The following FCHSD2 variants were observed in gnomAD, a reference collection of about 807,000 sequenced individuals.
FCHSD2 encodes FCH and double SH3 domains 2, also known as F-BAR and double SH3 domains protein 2.
Under a neutral mutation model 108.1 loss-of-function variants are expected in FCHSD2, and 38 were observed. That is an observed-to-expected ratio of 0.35 (90% CI 0.27 to 0.46). The LOEUF (loss-of-function observed/expected upper bound fraction) is 0.46. Ranked by LOEUF, FCHSD2 falls within the 20% of genes least tolerant of loss-of-function variation. The pLI is 1.00. For synonymous variants in FCHSD2, 279 were observed against 314.7 expected, an observed-to-expected ratio of 0.89 and a Z score of 1.20; for missense variants, 751 against 897.8, an observed-to-expected ratio of 0.84 and a Z score of 2.09.
intron 8 of FCHSD2, among the ~76,000 whole-genome samples, chr11:72,950,206 G>C (rs1856596552): frequency 2.6e-5 from 4 of 152,016 alleles, no homozygotes; most frequent in Admixed American, 1.3e-4. Context: ...TGTTTTTATT[G>C]AATTGTAAAG....
At chr11:72,894,062 C>A (rs1855371832) in intron 10 of FCHSD2, among the ~76,000 whole-genome samples, 1 of 152,082 alleles carries the variant, frequency 6.6e-6, no homozygotes, top group Non-Finnish European at 1.5e-5. Context: ...TAAAATATAA[C>A]CATTTCAAGG....
At chr11:73,019,691 T>G (rs781475725) in intron 3 of FCHSD2, among the ~76,000 whole-genome samples, 11 of 152,192 alleles carry the variant, frequency 7.2e-5, no homozygotes, top group Non-Finnish European at 1.3e-4. Context: ...GTTCAAGATC[T>G]AATCTGCATG....
intron 8 of FCHSD2, among the ~76,000 whole-genome samples, chr11:72,958,635 G>C (rs2135368546): frequency 6.6e-6 from 1 of 152,286 alleles, no homozygotes; most frequent in South Asian, 2.1e-4. Context: ...TGATCCATCA[G>C]TTTCGACCTC....
chr11:72,989,198 C>T (rs1857365212), intron 5 of FCHSD2, 101 bp from the exon 6 acceptor site: 2 of 888,918 alleles, frequency 2.2e-6, no homozygotes, highest in Non-Finnish European at 3.3e-6. Flanking sequence ...GGATGGAAAT[C>T]CAGGGGAAAA....
At chr11:73,137,231 G>A (rs183603895) in intron 2 of FCHSD2, among the ~76,000 whole-genome samples, 6 of 151,606 alleles carry the variant, frequency 4.0e-5, no homozygotes, top group Admixed American at 2.6e-4. Flanking sequence ...CTAAACTCTT[G>A]TTTTAGTAGG....
At chr11:73,043,701 A>G (rs1858693555) in intron 3 of FCHSD2, among the ~76,000 whole-genome samples, 1 of 152,212 alleles carries the variant, frequency 6.6e-6, no homozygotes, top group South Asian at 2.1e-4. Flanking sequence ...AGATGTGACT[A>G]TGTGACTGAG....
intron 12 of FCHSD2, among the ~76,000 whole-genome samples, chr11:72,878,556 C>G (rs1418068999): frequency 6.6e-6 from 1 of 152,032 alleles, no homozygotes; most frequent in Non-Finnish European, 1.5e-5. Context: ...GCTTGTTTTA[C>G]TAGGAAGAAA....
chr11:73,017,343 G>C (rs1857996615), intron 3 of FCHSD2, among the ~76,000 whole-genome samples: 1 of 152,090 alleles, frequency 6.6e-6, no homozygotes, highest in South Asian at 2.1e-4. Flanking sequence ...CTAATGTAAT[G>C]GTTATAGAAA....
chr11:73,005,845 T>C (rs897022097), intron 4 of FCHSD2, among the ~76,000 whole-genome samples: 2 of 151,922 alleles, frequency 1.3e-5, no homozygotes, highest in Non-Finnish European at 2.9e-5. Flanking sequence ...ACAGATGGTT[T>C]TAAAGCCATC....
chr11:73,107,341 C>G (rs1860369591), intron 2 of FCHSD2, among the ~76,000 whole-genome samples: 1 of 152,158 alleles, frequency 6.6e-6, no homozygotes, highest in Non-Finnish European at 1.5e-5. Flanking sequence ...AGCTACCACA[C>G]CTGGCCATTT....
intron 10 of FCHSD2, among the ~76,000 whole-genome samples, chr11:72,901,026 C>CT (rs1195478183): frequency 6.6e-6 from 1 of 151,764 alleles, no homozygotes; most frequent in Non-Finnish European, 1.5e-5. Flanking sequence ...CATTTTTGTT[C>CT]TTTTTTAAAA....
chr11:73,117,967 T>C (rs1353902338), intron 2 of FCHSD2, among the ~76,000 whole-genome samples: 1 of 152,208 alleles, frequency 6.6e-6, no homozygotes, highest in Non-Finnish European at 1.5e-5. Flanking sequence ...ATATTATATA[T>C]ACATTTTCTG....
At chr11:73,111,432 C>A (rs1207658112) in intron 2 of FCHSD2, among the ~76,000 whole-genome samples, 1 of 149,372 alleles carries the variant, frequency 6.7e-6, no homozygotes, top group Non-Finnish European at 1.5e-5. Context: ...TCTTTTTTGG[C>A]TTCCATTAGC....
chr11:72,980,750 A>G (rs1857200958), intron 8 of FCHSD2, among the ~76,000 whole-genome samples: 2 of 150,554 alleles, frequency 1.3e-5, no homozygotes. Context: ...ATGTGTGTGT[A>G]TATATATGTG....
chr11:72,993,936 T>A (rs563193470), intron 5 of FCHSD2, among the ~76,000 whole-genome samples: 1 of 152,190 alleles, frequency 6.6e-6, no homozygotes, highest in Admixed American at 6.5e-5. Context: ...AAATATCGGA[T>A]AGAAAAGCCA....
intron 13 of FCHSD2, among the ~76,000 whole-genome samples, chr11:72,853,802 A>C (rs1861355271): frequency 6.6e-6 from 1 of 152,256 alleles, no homozygotes; most frequent in Admixed American, 6.5e-5. Flanking sequence ...GAATGGGATA[A>C]GGTATTTGCA....
At chr11:73,090,577 A>G (rs1859933537) in intron 2 of FCHSD2, among the ~76,000 whole-genome samples, 1 of 152,122 alleles carries the variant, frequency 6.6e-6, no homozygotes, top group South Asian at 2.1e-4. Context: ...GTCCTGTGCA[A>G]AAATGCCTAC....
chr11:73,062,050 T>C (rs1019407036), intron 3 of FCHSD2, among the ~76,000 whole-genome samples: 3 of 152,082 alleles, frequency 2.0e-5, no homozygotes, highest in Admixed American at 6.5e-5. Context: ...AGACACCTCA[T>C]ACAGGAGAGC....
intron 2 of FCHSD2, among the ~76,000 whole-genome samples, chr11:73,139,776 T>C (rs1426314058): frequency 6.6e-6 from 1 of 152,244 alleles, no homozygotes; most frequent in East Asian, 1.9e-4. Context: ...TCTTTAATTA[T>C]TATAATTTGA....
Sources: allele counts gnomAD v4.1 joint callset (sites outside exome capture counted in the v4.1 genomes callset), GRCh38; gene constraint gnomAD v4.1.1; transcripts MANE v1.5; gene names NCBI Gene and HGNC (gene_info 2026-07-23, HGNC 2026-07-21).